RASSF3: variants seen among roughly 807,000 people sequenced by gnomAD.
RASSF3 encodes the protein ras association domain-containing protein 3.
Under a neutral mutation model 19.9 loss-of-function variants are expected in RASSF3, and 19 were observed. The ratio of observed to expected loss-of-function variants is 0.96; its 90% CI spans 0.67 to 1.40. RASSF3 has a LOEUF of 1.40. RASSF3 is among the 40% of genes most tolerant of loss of function. The probability of loss-of-function intolerance (pLI) is 0.00; values close to 1 mark genes in which losing one functional copy is unlikely to be tolerated. For synonymous variants in RASSF3, 110 were observed against 104.2 expected (o/e 1.06, Z -0.34); for missense variants, 306 against 289.8 (o/e 1.06, Z -0.41).
chr12:64,553,841 G>A (rs1168799092), intron 2 of RASSF3, among the ~76,000 whole-genome samples: 3 of 152,038 alleles, frequency 2.0e-5, no homozygotes, highest in Non-Finnish European at 4.4e-5. Context: ...GCCAGGCATG[G>A]TGGCATGTAC....
chr12:64,547,804 A>G (rs1869094407), intron 2 of RASSF3, among the ~76,000 whole-genome samples: 1 of 152,186 alleles, frequency 6.6e-6, no homozygotes, highest in Non-Finnish European at 1.5e-5. Context: ...TTCCTGTTGT[A>G]TTGCATATAT....
intron 2 of RASSF3, among the ~76,000 whole-genome samples, chr12:64,582,473 A>G (rs1272255838): frequency 6.6e-6 from 1 of 152,186 alleles, no homozygotes; most frequent in Non-Finnish European, 1.5e-5. Context: ...TTCATAGATG[A>G]TAATTTAGAG....
At chr12:64,548,226 C>G (rs1206749804) in intron 2 of RASSF3, among the ~76,000 whole-genome samples, 1 of 152,158 alleles carries the variant, frequency 6.6e-6, no homozygotes, top group African/African-American at 2.4e-5. Context: ...GTCGCCCAGG[C>G]TGGAGTGCAG....
At chr12:64,626,175 TAAC>T (rs1219784079) in intron 1 of RASSF3, among the ~76,000 whole-genome samples, 1 of 152,220 alleles carries the variant, frequency 6.6e-6, no homozygotes, top group Non-Finnish European at 1.5e-5. Context: ...ATGTTATTAT[TAAC>T]AAGTTAATTC....
chr12:64,648,288 C>T (rs534012161), intron 1 of RASSF3, among the ~76,000 whole-genome samples: 1 of 152,212 alleles, frequency 6.6e-6, no homozygotes, highest in African/African-American at 2.4e-5. Context: ...ATTAGTTGGG[C>T]AGTGGTGTGG....
chr12:64,682,273 C>T (rs12368712), intron 1 of RASSF3, among the ~76,000 whole-genome samples: 9,853 of 152,112 alleles, frequency 0.065, 381 homozygotes, highest in Non-Finnish European at 0.09. Flanking sequence ...TGAAAAGTCA[C>T]GGAGATAGGC....
At chr12:64,567,209 C>G (rs182598404) in intron 2 of RASSF3, among the ~76,000 whole-genome samples, 1 of 152,162 alleles carries the variant, frequency 6.6e-6, no homozygotes, top group Admixed American at 6.6e-5. Flanking sequence ...TTTGCCTGAA[C>G]ATAAGAGGAT....
chr12:64,670,433 TA>T (rs1872663230), intron 1 of RASSF3, among the ~76,000 whole-genome samples: 1 of 151,740 alleles, frequency 6.6e-6, no homozygotes, highest in African/African-American at 2.4e-5. Context: ...GAAAATTTTG[TA>T]AAAATGTTGA....
chr12:64,661,475 C>G (rs1396809163), intron 1 of RASSF3, among the ~76,000 whole-genome samples: 2 of 151,324 alleles, frequency 1.3e-5, no homozygotes, highest in Non-Finnish European at 2.9e-5. Flanking sequence ...AAAGTGAGAC[C>G]CTGTCTCTAA....
chr12:64,624,730 G>A (rs1870925027), intron 1 of RASSF3, among the ~76,000 whole-genome samples: 1 of 152,128 alleles, frequency 6.6e-6, no homozygotes, highest in Non-Finnish European at 1.5e-5. Context: ...CGCGATCTAG[G>A]CTCACTGCAA....
At chr12:64,631,833 C>T (rs982223909) in intron 1 of RASSF3, among the ~76,000 whole-genome samples, 8 of 152,214 alleles carry the variant, frequency 5.3e-5, no homozygotes, top group African/African-American at 1.9e-4. Context: ...CCTCGGCCTC[C>T]CAAAGTGCTG....
intron 2 of RASSF3, among the ~76,000 whole-genome samples, chr12:64,604,658 G>A (rs183607526): frequency 2.2e-4 from 33 of 150,356 alleles, no homozygotes; most frequent in East Asian, 1.6e-3. Flanking sequence ...TTTCTTTTGA[G>A]ATGGAGTCTT....
At chr12:64,654,658 G>GGC (rs1872091737) in intron 1 of RASSF3, 1 of 59,806 alleles carries the variant, frequency 1.7e-5, no homozygotes, top group Non-Finnish European at 2.8e-5. Context: ...GGGGGGGGGT[G>GGC]GGGGGAAGCC....
In RASSF3 at chr12:64,623,223, A is replaced by G. The variant is rs1030796912; in HGVS notation, c.111+12480A>G. On this transcript the variant is annotated intron_variant, in intron 1 of 4. Transcript: ENST00000542104. Reference sequence around the variant, plus strand: ...TTTTTTTAAATGAAAATAGAAAACAACATAGTTAAATATATCACGTAGGAG... The same window carrying G: ...TTTTTTTAAATGAAAATAGAAAACAGCATAGTTAAATATATCACGTAGGAG... Among the ~76,000 whole-genome samples, 7 of 152,260 alleles carry G rather than the reference A, an allele frequency of 4.6e-5. No individual in the cohort carries two copies. In the East Asian group the frequency reaches 9.6e-4, roughly 21 times the overall value.
At chr12:64,659,103 A>G (rs1872255218) in intron 1 of RASSF3, among the ~76,000 whole-genome samples, 1 of 152,076 alleles carries the variant, frequency 6.6e-6, no homozygotes, top group Non-Finnish European at 1.5e-5. Flanking sequence ...CCAGTGGGTC[A>G]GTGACCAAGA....
At chr12:64,657,407 GA>G (rs1236508626) in intron 1 of RASSF3, among the ~76,000 whole-genome samples, 6 of 152,308 alleles carry the variant, frequency 3.9e-5, no homozygotes, top group African/African-American at 1.2e-4. Context: ...ACTATATACT[GA>G]AAAATGATTC....
chr12:64,515,968 C>T (rs1366585682), intron 1 of RASSF3, among the ~76,000 whole-genome samples: 1 of 151,990 alleles, frequency 6.6e-6, no homozygotes, highest in African/African-American at 2.4e-5. Context: ...TATTAAGAAG[C>T]TATTAATGTA....
At chr12:64,521,481 C>G (rs1868478446) in intron 1 of RASSF3, among the ~76,000 whole-genome samples, 1 of 152,210 alleles carries the variant, frequency 6.6e-6, no homozygotes, top group African/African-American at 2.4e-5. Flanking sequence ...GTAGGTAAAT[C>G]TCCCTGGGCC....
intron 2 of RASSF3, among the ~76,000 whole-genome samples, chr12:64,601,651 G>A (rs1230599814): frequency 2.6e-5 from 4 of 151,350 alleles, no homozygotes; most frequent in South Asian, 2.1e-4. Flanking sequence ...GAGGGACCCC[G>A]TCTCTACAAA....
Sources: gnomAD v4.1 joint callset for allele counts (sites outside exome capture counted in the v4.1 genomes callset) on GRCh38, gnomAD v4.1.1 for gene constraint, MANE v1.5 for transcripts, NCBI Gene and HGNC (gene_info 2026-07-23, HGNC 2026-07-21) for gene names.